The following AKR1C1 variants were observed in gnomAD, a reference collection of about 807,000 sequenced individuals.
AKR1C1 encodes aldo-keto reductase family 1 member C1.
AKR1C1 carries 32 observed loss-of-function variants against 40.6 expected under a neutral mutation model. The observed-to-expected ratio is 0.79, with a 90% CI of 0.60 to 1.06. The LOEUF (loss-of-function observed/expected upper bound fraction) is 1.06, where lower values mean the gene tolerates loss of function less well. Among genes scored for constraint, AKR1C1 ranks in the 50% least tolerant of loss-of-function variants. AKR1C1 has a pLI of 0.00. For synonymous variants in AKR1C1, 105 were observed against 134.2 expected, an observed-to-expected ratio of 0.78 and a Z score of 1.50; for missense variants, 320 against 363.5, an observed-to-expected ratio of 0.88 and a Z score of 0.97.
At chr10:4,973,581 A>T (rs1433832583) in intron 7 of AKR1C1, among the ~76,000 whole-genome samples, 5 of 152,164 alleles carry the variant, frequency 3.3e-5, no homozygotes, top group Non-Finnish European at 5.9e-5. Flanking sequence ...TGCTTCTGGG[A>T]AATTCTATCA....
intron 6 of AKR1C1, 60 bp downstream of exon 6, chr10:4,972,370 G>A (rs1836444668): frequency 6.2e-7 from 1 of 1,602,012 alleles, no homozygotes; most frequent in Admixed American, 1.7e-5. Context: ...AATTTAATCA[G>A]ATCATGCTGT....
Position 4,972,596 on chromosome 10 carries a change from C to G in AKR1C1, c.693C>G (p.Asn231Lys), listed in dbSNP as rs782245640. The change falls in exon 7 of 9, where the codon AAC (asparagine) becomes AAG (lysine). Residue 231 changes from asparagine (N) to lysine (K), a missense_variant. Asn to Lys is a moderately conservative substitution (Grantham distance 94). This residue lies in a region of AKR1C1 where 77 missense variants were observed against 125.3 expected (regional missense o/e 0.61). Transcript: ENST00000380872. ...CCTTTCCTTCCAGGGTGGACCCGAA[C>G]TCCCCGGTGCTCTTGGAGGACCCAG... Reference protein sequence around the residue: ...SHREEPWVDPNSPVLLEDPVL... With the variant: ...SHREEPWVDPKSPVLLEDPVL... 1 of 1,613,850 alleles carries G rather than the reference C, an allele frequency of 6.2e-7. No homozygotes were observed. Among genetic ancestry groups the G allele is most frequent in the Non-Finnish European group, 8.5e-7 (1 of 1,179,988 alleles).
intron 4 of AKR1C1, 91 bp from the exon 5 acceptor site, chr10:4,968,731 G>C (rs1836368972): frequency 2.5e-6 from 4 of 1,587,486 alleles, no homozygotes; most frequent in Non-Finnish European, 3.4e-6. Context: ...CGGCTAGCTA[G>C]TTTTATTGTC....
In AKR1C1 at chr10:4,972,314, A is replaced by G. The variant is rs781953955; in HGVS notation, c.680+4A>G. 4 of 1,612,270 alleles carry G rather than the reference A, an allele frequency of 2.5e-6. No individual in the cohort carries two copies. In the South Asian group the frequency reaches 4.4e-5, roughly 18 times the overall value. ...GATCCCACCGAGAAGAACCATGGTAATAAGAGATACAGGAAGTTTACCTAA... is the reference window on the plus strand; with the variant it reads ...GATCCCACCGAGAAGAACCATGGTAGTAAGAGATACAGGAAGTTTACCTAA... On this transcript the variant is annotated splice_donor_region_variant and intron_variant, in intron 6 of 8. Transcript: ENST00000380872.
chr10:4,965,842 C>T lies in AKR1C1; in HGVS notation c.85-72C>T, dbSNP rs577542433. On this transcript the variant is annotated intron_variant, in intron 1 of 8. Coordinates refer to ENST00000380872, the MANE Select transcript of AKR1C1 (RefSeq NM_001353.6). ...AGGAGGAAAAGCTGATTTTTGTGAA[C>T]GTCGCTACTTGTGCCTGAACTAACT... 8.2e-5 allele frequency: 125 copies of T among 1,525,306 alleles called. 1 individual carries two copies. In the African/African-American group the frequency reaches 8.5e-4, roughly 10 times the overall value. 94.5% of individuals were successfully genotyped at this position (1,525,306 alleles called of 1,614,324 possible). A position where few individuals can be genotyped will look rare whatever the true frequency, so the allele number is the denominator to read the frequency against.
At chr10:4,976,881 T>G (rs554005957) in intron 8 of AKR1C1, among the ~76,000 whole-genome samples, 1 of 152,172 alleles carries the variant, frequency 6.6e-6, no homozygotes. Flanking sequence ...AAATACAAAA[T>G]GAAAACGGAG....
chr10:4,966,665 G>A (rs939081860), intron 2 of AKR1C1, among the ~76,000 whole-genome samples: 2 of 152,142 alleles, frequency 1.3e-5, no homozygotes, highest in Non-Finnish European at 2.9e-5. Context: ...CAGATAATGG[G>A]TATGCTTATG....
At chr10:4,965,145 C>A (rs1489564413) in intron 1 of AKR1C1, among the ~76,000 whole-genome samples, 1 of 152,196 alleles carries the variant, frequency 6.6e-6, no homozygotes. Flanking sequence ...AAATATGATT[C>A]CGGGTAAAGT....
intron 1 of AKR1C1, chr10:4,963,977 A>T (rs1836289125): frequency 1.3e-6 from 1 of 744,998 alleles, no homozygotes; most frequent in Non-Finnish European, 2.5e-6. Flanking sequence ...CTGTAATACT[A>T]GACCTGGCCT....
chr10:4,969,849 G>A (rs2131643224), intron 5 of AKR1C1: 1 of 1,051,046 alleles, frequency 9.5e-7, no homozygotes, highest in Non-Finnish European at 1.4e-6. Flanking sequence ...GTCAATCAGT[G>A]AAGATCTACA....
rs1275965647 is a variant in AKR1C1 at position 4,979,233 on chromosome 10, C to T, written c.*1491C>T. 2.6e-5 allele frequency: 4 copies of T among 152,160 alleles called. No individual in the cohort carries two copies. The highest frequency in any genetic ancestry group is 6.5e-5 in the Admixed American group (1 of 15,282). The allele number at this position is 152,160 out of a possible 1,614,324, so 9.4% of individuals were successfully genotyped here. ...TAGACCAATTTTTTGGATTATTTTT[C>T]GTCTTCTATCATTCCGCTGATCTTA... On this transcript the variant is annotated 3_prime_UTR_variant, in exon 9 of 9. Transcript: ENST00000380872.
rs116911347 is a variant in AKR1C1, at chr10:4,981,752, C to G, written c.*4010C>G. 6.6e-6 allele frequency: 1 copy of G among 151,050 alleles called. No homozygotes were observed. Among genetic ancestry groups the G allele is most frequent in the Non-Finnish European group, 1.5e-5 (1 of 67,268 alleles). The allele number at this position is 151,050 out of a possible 1,614,324, so 9.4% of individuals were successfully genotyped here. A position where few individuals can be genotyped will look rare whatever the true frequency, so the allele number is the denominator to read the frequency against. ...CACAAGAGAAGGCTTTGATCCTGTG[C>G]GGACAAGTGCCTTGAGCAGAATCCA... On this transcript the variant is annotated 3_prime_UTR_variant, in exon 9 of 9. Transcript: ENST00000380872.
In AKR1C1 at chr10:4,966,923, G is replaced by A. The variant is rs200396686; in HGVS notation, c.253-4G>A. On this transcript the variant is annotated splice_region_variant and splice_polypyrimidine_tract_variant and intron_variant, in intron 2 of 8. Coordinates refer to ENST00000380872, the MANE Select transcript of AKR1C1 (RefSeq NM_001353.6). Reference sequence around the variant, plus strand: ...ACACAACTTCCTTTCTCTAACCTCTGCAGCTTTGGTGCAATTCCCATCGAC... The same window carrying A: ...ACACAACTTCCTTTCTCTAACCTCTACAGCTTTGGTGCAATTCCCATCGAC... 6.2e-7 allele frequency: 1 copy of A among 1,610,454 alleles called. No homozygotes were observed. The highest frequency in any genetic ancestry group is 8.5e-7 in the Non-Finnish European group (1 of 1,178,716).
chr10:4,982,711 G>C lies in AKR1C1; in HGVS notation c.*4969G>C. The C allele has an allele frequency of 3.3e-6, 1 of 302,092 alleles. No homozygotes were observed. Among genetic ancestry groups the C allele is most frequent in the Non-Finnish European group, 6.5e-6 (1 of 154,810 alleles). 18.7% of individuals were successfully genotyped at this position (302,092 alleles called of 1,614,324 possible). On this transcript the variant is annotated 3_prime_UTR_variant, in exon 9 of 9. Coordinates refer to ENST00000380872, the MANE Select transcript of AKR1C1 (RefSeq NM_001353.6). ...ACTTTCCCTGGGCAACTTAGGGCAA[G>C]CTCAAATCCCACTGCTACCACCACA...
At chr10:4,965,695 C>T in intron 1 of AKR1C1, 1 of 490,966 alleles carries the variant, frequency 2.0e-6, no homozygotes, top group South Asian at 4.3e-5. Context: ...AACTAGTGGT[C>T]AAGCAGTGAT....
chr10:4,963,517 G>A lies in AKR1C1; in HGVS notation c.73G>A (p.Ala25Thr), dbSNP rs1031229568. 6.2e-7 allele frequency: 1 copy of A among 1,612,802 alleles called. No homozygotes were observed. The highest frequency in any genetic ancestry group is 1.3e-5 in the African/African-American group (1 of 74,534). The change falls in exon 1 of 9, where the codon GCG (alanine) becomes ACG (threonine). Residue 25 changes from alanine (A) to threonine (T), a missense_variant. By Grantham distance (58) the Ala-to-Thr change is moderately conservative. Coordinates refer to ENST00000380872, the MANE Select transcript of AKR1C1 (RefSeq NM_001353.6). ...GCCTGTCCTGGGATTTGGCACCTAT[G>A]CGCCTGCAGAGGTAACAATAATATT... The part of the protein sequence containing the change: ...FMPVLGFGTY[A>T]PAEVPKSKAL...
Position 4,981,747 on chromosome 10 carries a change from C to G in AKR1C1, c.*4005C>G, listed in dbSNP as rs1836619945. The G allele has an allele frequency of 6.6e-6, 1 of 150,446 alleles. No individual in the cohort carries two copies. Among genetic ancestry groups the G allele is most frequent in the African/African-American group, 2.4e-5 (1 of 41,262 alleles). The allele number at this position is 150,446 out of a possible 1,614,324, so 9.3% of individuals were successfully genotyped here. ...CAGGCCACAAGAGAAGGCTTTGATCCTGTGCGGACAAGTGCCTTGAGCAGA... is the reference window on the plus strand; with the variant it reads ...CAGGCCACAAGAGAAGGCTTTGATCGTGTGCGGACAAGTGCCTTGAGCAGA... On this transcript the variant is annotated 3_prime_UTR_variant, in exon 9 of 9. Transcript: ENST00000380872.
Position 4,968,479 on chromosome 10 carries a change from T to C in AKR1C1, c.447+93T>C, listed in dbSNP as rs1229613839. Reference sequence around the variant, plus strand: ...TAGTACAAGTATGGAAAATGCACCATTGGATCAAAAACTTAGGAACTTTAC... The same window carrying C: ...TAGTACAAGTATGGAAAATGCACCACTGGATCAAAAACTTAGGAACTTTAC... On this transcript the variant is annotated intron_variant, in intron 4 of 8. Coordinates refer to ENST00000380872, the MANE Select transcript of AKR1C1 (RefSeq NM_001353.6). 8 of 1,364,092 alleles carry C rather than the reference T, an allele frequency of 5.9e-6. No homozygotes were observed. In the South Asian group the frequency reaches 1.1e-4, roughly 19 times the overall value. 84.5% of individuals were successfully genotyped at this position (1,364,092 alleles called of 1,614,324 possible).
intron 5 of AKR1C1, among the ~76,000 whole-genome samples, chr10:4,970,627 G>A (rs1170905258): frequency 6.6e-6 from 1 of 152,020 alleles, no homozygotes; most frequent in Non-Finnish European, 1.5e-5. Context: ...ATACTATGCA[G>A]CCATAAAAAA....
Sources: gnomAD v4.1 joint callset for allele counts (sites outside exome capture counted in the v4.1 genomes callset) on GRCh38, gnomAD v4.1.1 for gene constraint, gnomAD v4.1.1 regional missense constraint, MANE v1.5 for transcripts, NCBI Gene and HGNC (gene_info 2026-07-23, HGNC 2026-07-21) for gene names.